Variants in COL10A1 observed in about 807,000 individuals in gnomAD.
The protein encoded by COL10A1 is collagen alpha-1(X) chain.
In COL10A1, 10 loss-of-function variants were observed where a neutral mutation model predicts 18.2. The observed-to-expected ratio is 0.55, with a 90% CI of 0.34 to 0.93. The LOEUF is 0.93. Among genes scored for constraint, COL10A1 ranks in the 40% least tolerant of loss-of-function variants. COL10A1 has a pLI of 0.02. For synonymous variants in COL10A1, 330 were observed against 316.6 expected (o/e 1.04, Z -0.45); for missense variants, 897 against 853.5 (o/e 1.05, Z -0.64).
chr6:116,207,879 C>T, the COL10A1 span, among the ~76,000 whole-genome samples: 2 of 151,870 alleles, frequency 1.3e-5, no homozygotes, highest in Admixed American at 1.3e-4. Context: ...ACTGGGTTCC[C>T]ATCACAGATT....
the COL10A1 span, among the ~76,000 whole-genome samples, chr6:116,210,905 G>A: frequency 6.6e-6 from 1 of 151,944 alleles, no homozygotes; most frequent in African/African-American, 2.4e-5. Flanking sequence ...ATGTTTGGCA[G>A]CTAGTCTACA....
At chr6:116,211,519 T>C in the COL10A1 span, among the ~76,000 whole-genome samples, 1 of 152,094 alleles carries the variant, frequency 6.6e-6, no homozygotes, top group Non-Finnish European at 1.5e-5. Flanking sequence ...TATGTATGTT[T>C]TTATATTGTA....
At chr6:116,132,461 A>AT (rs1329600954) in intron 1 of COL10A1, among the ~76,000 whole-genome samples, 2 of 150,576 alleles carry the variant, frequency 1.3e-5, no homozygotes, top group Non-Finnish European at 3.0e-5. Context: ...TGTCTTTTTA[A>AT]TTTGCTTATG....
In COL10A1 at chr6:116,120,021, G is replaced by A. The variant is rs1326936448; in HGVS notation, c.*52C>T. ...CATATGCATTTTGTAGGGTGGGGTA[G>A]AGTTAGAGAATGCTTTTTCTAGCAC... On this transcript the variant is annotated 3_prime_UTR_variant, in exon 3 of 3. Coordinates refer to ENST00000651968, the MANE Select transcript of COL10A1 (RefSeq NM_000493.4). 7 of 1,446,834 alleles carry A rather than the reference G, an allele frequency of 4.8e-6. No homozygotes were observed. The East Asian group carries it at 1.6e-4, about 33-fold the overall frequency. The allele number at this position is 1,446,834 out of a possible 1,614,324, so 89.6% of individuals were successfully genotyped here.
Position 116,121,943 on chromosome 6 carries a change from T to A in COL10A1, c.173A>T (p.Glu58Val). The change falls in exon 3 of 3, where the codon GAG becomes GTG. Residue 58 changes from glutamate to valine, a missense_variant. Coordinates refer to ENST00000651968, the MANE Select transcript of COL10A1 (RefSeq NM_000493.4). ...IKSKGIAVRG[E>V]QGTPGPPGPA... Reference sequence around the variant, plus strand: ...GCCTGGTGGACCAGGAGTACCTTGCTCTCCTCTTACTGCTATACCTAAAAG... The same window carrying A: ...GCCTGGTGGACCAGGAGTACCTTGCACTCCTCTTACTGCTATACCTAAAAG... 1 of 1,612,914 alleles carries A rather than the reference T, an allele frequency of 6.2e-7. No homozygotes were observed. Among genetic ancestry groups the A allele is most frequent in the Non-Finnish European group, 8.5e-7 (1 of 1,179,952 alleles).
chr6:116,119,777 T>G lies in COL10A1; in HGVS notation c.*296A>C. On this transcript the variant is annotated 3_prime_UTR_variant, in exon 3 of 3. Coordinates refer to ENST00000651968, the MANE Select transcript of COL10A1 (RefSeq NM_000493.4). ...TTTTAATTTTTTTTTTGTTGTTTGT[T>G]TTTTGTTGTTTGTTTTTAACATAGC... 1 of 271,536 alleles carries G rather than the reference T, an allele frequency of 3.7e-6. No individual in the cohort carries two copies. The highest frequency in any genetic ancestry group is 6.9e-6 in the Non-Finnish European group (1 of 144,994). 16.8% of individuals were successfully genotyped at this position (271,536 alleles called of 1,614,324 possible). A position where few individuals can be genotyped will look rare whatever the true frequency, so the allele number is the denominator to read the frequency against.
upstream of COL10A1, among the ~76,000 whole-genome samples, chr6:116,128,216 A>G (rs182568923): frequency 1.6e-4 from 24 of 152,054 alleles, no homozygotes; most frequent in African/African-American, 5.8e-4. Flanking sequence ...TGGACATTCA[A>G]CCCTTTTTGC....
chr6:116,173,526 C>T, the COL10A1 span, among the ~76,000 whole-genome samples: 4 of 152,132 alleles, frequency 2.6e-5, no homozygotes, highest in South Asian at 4.2e-4. Flanking sequence ...AGAGGGTTCC[C>T]GCTTTGAGCA....
chr6:116,120,614 G>T lies in COL10A1; in HGVS notation c.1502C>A (p.Ser501Tyr), dbSNP rs1582812548. Residue 501 changes from serine to tyrosine, a missense_variant, in exon 3 of 3, where the codon TCT becomes TAT. By Grantham distance (144) the Ser-to-Tyr change is moderately radical (BLOSUM62 -2). Transcript: ENST00000651968. ...PPGPPGPRGH[S>Y]GEPGLPGPPG... The stretch of plus-strand genomic sequence containing the variant: ...GGGCCCTGGAAGACCAGGCTCTCCA[G>T]AGTGGCCTCTTGGACCTGGAGGCCC... 1.3e-6 allele frequency: 2 copies of T among 1,567,004 alleles called. No homozygotes were observed. The highest frequency in any genetic ancestry group is 2.0e-5 in the Admixed American group (1 of 50,184).
At position 116,119,487 on chromosome 6, in the gene COL10A1, A is replaced by G. The variant is rs555616424; in HGVS notation, c.*586T>C. 6.5e-6 allele frequency: 1 copy of G among 152,958 alleles called. No individual in the cohort carries two copies. The highest frequency in any genetic ancestry group is 1.5e-5 in the Non-Finnish European group (1 of 68,200). The allele number at this position is 152,958 out of a possible 1,614,324, so 9.5% of individuals were successfully genotyped here. On this transcript the variant is annotated 3_prime_UTR_variant, in exon 3 of 3. Coordinates refer to ENST00000651968, the MANE Select transcript of COL10A1 (RefSeq NM_000493.4). ...TTTATATAAGAGCTTTAACAAGTAT[A>G]TATGCACCTGTATATTTGAATAGAT... is the stretch of plus-strand genomic sequence containing the variant.
At chr6:116,141,098 A>T (rs938395014) in intron 1 of COL10A1, among the ~76,000 whole-genome samples, 3 of 152,056 alleles carry the variant, frequency 2.0e-5, no homozygotes, top group Non-Finnish European at 4.4e-5. Flanking sequence ...TGTCATTTAA[A>T]CTTCAAGGTT....
the COL10A1 span, among the ~76,000 whole-genome samples, chr6:116,177,587 T>C: frequency 6.6e-6 from 1 of 152,274 alleles, no homozygotes; most frequent in East Asian, 1.9e-4. Context: ...AAGTAAAATA[T>C]TAACAGTTGC....
chr6:116,153,076 A>G (rs1269129504), intron 1 of COL10A1, among the ~76,000 whole-genome samples: 1 of 151,976 alleles, frequency 6.6e-6, no homozygotes, highest in Non-Finnish European at 1.5e-5. Context: ...CTAATATATA[A>G]CATTTAATAA....
At chr6:116,188,662 C>A in the COL10A1 span, among the ~76,000 whole-genome samples, 2 of 150,236 alleles carry the variant, frequency 1.3e-5, no homozygotes, top group Non-Finnish European at 1.5e-5. Context: ...AATTACCTTT[C>A]AAGGGTGGTA....
At chr6:116,211,522 A>G in the COL10A1 span, among the ~76,000 whole-genome samples, 44 of 152,068 alleles carry the variant, frequency 2.9e-4, 1 homozygote, top group Non-Finnish European at 5.9e-5. Flanking sequence ...GTATGTTTTT[A>G]TATTGTATAT....
At chr6:116,141,325 C>A (rs1458940537) in intron 1 of COL10A1, among the ~76,000 whole-genome samples, 4 of 148,732 alleles carry the variant, frequency 2.7e-5, no homozygotes, top group Non-Finnish European at 6.0e-5. Context: ...TATTTATTTT[C>A]GTTAGTTATA....
the COL10A1 span, among the ~76,000 whole-genome samples, chr6:116,173,680 TA>T: frequency 6.6e-6 from 1 of 152,200 alleles, no homozygotes; most frequent in South Asian, 2.1e-4. Flanking sequence ...TTTATTTATT[TA>T]TTTTTTTGGT....
intron 1 of COL10A1, chr6:116,125,775 TG>T (rs1348034422): frequency 6.6e-6 from 2 of 303,488 alleles, no homozygotes; most frequent in African/African-American, 4.4e-5. Flanking sequence ...ATTGGATGTC[TG>T]TATTAAATAA....
At chr6:116,142,724 T>C (rs112856015) in intron 1 of COL10A1, among the ~76,000 whole-genome samples, 4,806 of 152,286 alleles carry the variant, frequency 0.032, 284 homozygotes, top group African/African-American at 0.11. Flanking sequence ...TCTTCCAACC[T>C]TGAAAAATAG....
Sources: gnomAD v4.1 joint callset for allele counts (sites outside exome capture counted in the v4.1 genomes callset) on GRCh38, gnomAD v4.1.1 for gene constraint, MANE v1.5 for transcripts, NCBI Gene and HGNC (gene_info 2026-07-23, HGNC 2026-07-21) for gene names.